The following OSBP2 variants were observed in gnomAD, a reference collection of about 807,000 sequenced individuals.
The protein encoded by OSBP2 is oxysterol-binding protein 2.
Under a neutral mutation model 96.0 loss-of-function variants are expected in OSBP2, and 66 were observed. The ratio of observed to expected loss-of-function variants is 0.69; its 90% confidence interval spans 0.56 to 0.84. OSBP2 has a LOEUF of 0.84. Among genes scored for constraint, OSBP2 ranks in the 40% least tolerant of loss-of-function variants. The pLI is 0.00. For synonymous variants in OSBP2, 525 were observed against 520.9 expected, an observed-to-expected ratio of 1.01 and a Z score of -0.11; for missense variants, 1,038 against 1,222.7, an observed-to-expected ratio of 0.85 and a Z score of 2.25.
chr22:30,801,688 G>T (rs2090853174), intron 2 of OSBP2, among the ~76,000 whole-genome samples: 1 of 152,174 alleles, frequency 6.6e-6, no homozygotes, highest in Non-Finnish European at 1.5e-5. Context: ...AAAGAATTAG[G>T]CAGGGCTGGG....
intron 2 of OSBP2, among the ~76,000 whole-genome samples, chr22:30,815,101 G>A (rs1257408684): frequency 6.6e-6 from 1 of 152,160 alleles, no homozygotes; most frequent in Non-Finnish European, 1.5e-5. Context: ...GGGCAACGTG[G>A]TGAAACCCCA....
chr22:30,848,930 A>T (rs1486508586), intron 2 of OSBP2, among the ~76,000 whole-genome samples: 2 of 152,124 alleles, frequency 1.3e-5, no homozygotes, highest in African/African-American at 2.4e-5. Flanking sequence ...GTATATCTAG[A>T]AGTGGAATTA....
intron 2 of OSBP2, among the ~76,000 whole-genome samples, chr22:30,862,140 CCTT>C (rs2039224289): frequency 6.6e-6 from 1 of 152,244 alleles, no homozygotes; most frequent in South Asian, 2.1e-4. Flanking sequence ...CGCAGACTCT[CCTT>C]CTCCATTGCC....
intron 12 of OSBP2, among the ~76,000 whole-genome samples, chr22:30,904,120 G>A (rs1353335639): frequency 6.6e-6 from 1 of 152,184 alleles, no homozygotes; most frequent in Non-Finnish European, 1.5e-5. Context: ...GGAGCAGTTG[G>A]GGGGTGGCTG....
At chr22:30,853,467 A>G (rs1488340022) in intron 2 of OSBP2, among the ~76,000 whole-genome samples, 1 of 152,140 alleles carries the variant, frequency 6.6e-6, no homozygotes, top group African/African-American at 2.4e-5. Flanking sequence ...CCCTATTTGT[A>G]TCATTATATT....
At chr22:30,901,981 C>G (rs148350498) in intron 12 of OSBP2, among the ~76,000 whole-genome samples, 2 of 151,932 alleles carry the variant, frequency 1.3e-5, no homozygotes, top group African/African-American at 4.8e-5. Context: ...ATTCCAATAA[C>G]AAAAACTTGG....
chr22:30,752,104 AG>A (rs1805190519), intron 2 of OSBP2, among the ~76,000 whole-genome samples: 1 of 152,220 alleles, frequency 6.6e-6, no homozygotes, highest in African/African-American at 2.4e-5. Flanking sequence ...GTTGGAGCAG[AG>A]TGCTGTTCAG....
chr22:30,776,685 T>C (rs899515646), intron 2 of OSBP2, among the ~76,000 whole-genome samples: 17 of 152,142 alleles, frequency 1.1e-4, no homozygotes, highest in Admixed American at 1.1e-3. Flanking sequence ...AGTGCATGCT[T>C]CACATTTTGA....
chr22:30,893,247 G>T lies in OSBP2; in HGVS notation c.1990+5G>T. The T allele has an allele frequency of 6.2e-7, 1 of 1,614,056 alleles. No individual in the cohort carries two copies. The highest frequency in any genetic ancestry group is 8.5e-7 in the Non-Finnish European group (1 of 1,179,974). The stretch of plus-strand genomic sequence containing the variant: ...ACATCTCCATCATGCCGCTAGGTGA[G>T]CTGGGGCCCGGTGCCTTCCTGGGAC... On this transcript the variant is annotated splice_donor_5th_base_variant and intron_variant, in intron 9 of 13. Transcript: ENST00000332585.
chr22:30,709,887 T>G (rs1338388207), intron 1 of OSBP2, among the ~76,000 whole-genome samples: 1 of 148,614 alleles, frequency 6.7e-6, no homozygotes, highest in Non-Finnish European at 1.5e-5. Flanking sequence ...CAGGGATACT[T>G]TTTTTTTTTT....
chr22:30,854,564 C>T (rs2039042544), intron 2 of OSBP2, among the ~76,000 whole-genome samples: 1 of 151,640 alleles, frequency 6.6e-6, no homozygotes, highest in Non-Finnish European at 1.5e-5. Context: ...CCGCCTCAGC[C>T]TCCCAAAGTG....
intron 1 of OSBP2, among the ~76,000 whole-genome samples, chr22:30,712,295 C>CAGT (rs2089365900): frequency 6.6e-6 from 1 of 152,174 alleles, no homozygotes; most frequent in Non-Finnish European, 1.5e-5. Context: ...TTCTCTAGAG[C>CAGT]AGTACATCAG....
intron 1 of OSBP2, among the ~76,000 whole-genome samples, chr22:30,739,196 C>T (rs1253396396): frequency 2.0e-5 from 3 of 152,176 alleles, no homozygotes; most frequent in Non-Finnish European, 4.4e-5. Flanking sequence ...ACCTACCCTC[C>T]CCTTATTTTG....
chr22:30,824,868 G>A (rs2038364781), intron 2 of OSBP2, among the ~76,000 whole-genome samples: 1 of 152,214 alleles, frequency 6.6e-6, no homozygotes, highest in Non-Finnish European at 1.5e-5. Flanking sequence ...CTGGGCGTAT[G>A]GAGGTGCATC....
At chr22:30,773,819 G>A (rs1050419414) in intron 2 of OSBP2, among the ~76,000 whole-genome samples, 15 of 152,220 alleles carry the variant, frequency 9.9e-5, no homozygotes, top group African/African-American at 3.6e-4. Flanking sequence ...GAGTGTGGGA[G>A]GCCATGAGGG....
intron 2 of OSBP2, among the ~76,000 whole-genome samples, chr22:30,783,079 T>TTC (rs1569121703): frequency 1.3e-5 from 2 of 150,466 alleles, no homozygotes; most frequent in South Asian, 4.2e-4. Context: ...TTTTTTTTTT[T>TTC]TTTTTTTCTG....
chr22:30,726,132 G>A (rs1281003642), intron 1 of OSBP2, among the ~76,000 whole-genome samples: 1 of 152,140 alleles, frequency 6.6e-6, no homozygotes, highest in Non-Finnish European at 1.5e-5. Context: ...ATAGATGAAA[G>A]TTGTATTGAT....
Position 30,889,702 on chromosome 22 carries a change from C to G in OSBP2, c.1623+66C>G, listed in dbSNP as rs186356398. On this transcript the variant is annotated intron_variant, in intron 7 of 13. Coordinates refer to ENST00000332585, the MANE Select transcript of OSBP2 (RefSeq NM_030758.4). ...GGCTGCTTTCCTGTGCGTGGATGAG[C>G]AGTAATGGCCTGTGTGAAGTACACA... The G allele has an allele frequency of 1.1e-3, 1,598 of 1,458,164 alleles. 6 individuals carry two copies. Among genetic ancestry groups the G allele is most frequent in the Non-Finnish European group, 1.3e-3 (1,393 of 1,042,662 alleles). The allele number at this position is 1,458,164 out of a possible 1,614,324, so 90.3% of individuals were successfully genotyped here.
At chr22:30,884,443 T>C (rs759847370) in intron 3 of OSBP2, among the ~76,000 whole-genome samples, 4 of 152,162 alleles carry the variant, frequency 2.6e-5, no homozygotes, top group Non-Finnish European at 4.4e-5. Context: ...CAACTCCTGA[T>C]AGTGCACCCC....
Sources: allele counts gnomAD v4.1 joint callset (sites outside exome capture counted in the v4.1 genomes callset), GRCh38; gene constraint gnomAD v4.1.1; transcripts MANE v1.5; gene names NCBI Gene and HGNC (gene_info 2026-07-23, HGNC 2026-07-21).